The following LIN9 variants were observed in gnomAD, a reference collection of about 807,000 sequenced individuals.
The protein encoded by LIN9 is lin-9 DREAM MuvB core complex component.
Under a neutral mutation model 78.0 loss-of-function variants are expected in LIN9, and 18 were observed. That is an observed-to-expected ratio of 0.23 (90% CI 0.16 to 0.34). The LOEUF (loss-of-function observed/expected upper bound fraction) is 0.34. LIN9 is among the 10% of genes least tolerant of loss of function. The probability of loss-of-function intolerance (pLI) is 1.00; values close to 1 mark genes in which losing one functional copy is unlikely to be tolerated. For synonymous variants in LIN9, 192 were observed against 215.2 expected, an observed-to-expected ratio of 0.89 and a Z score of 0.94; for missense variants, 451 against 644.1, an observed-to-expected ratio of 0.70 and a Z score of 3.25.
At chr1:226,248,851 A>G (rs1658649759) in intron 11 of LIN9, among the ~76,000 whole-genome samples, 1 of 152,198 alleles carries the variant, frequency 6.6e-6, no homozygotes, top group African/African-American at 2.4e-5. Flanking sequence ...TTTTATAGGG[A>G]AACTATTTTT....
chr1:226,277,961 C>CATA, intron 6 of LIN9, 29 bp from the exon 7 acceptor site: 1 of 1,535,488 alleles, frequency 6.5e-7, no homozygotes, highest in Non-Finnish European at 8.9e-7. Flanking sequence ...AACATACAAA[C>CATA]TGATAACTAC....
intron 7 of LIN9, among the ~76,000 whole-genome samples, chr1:226,268,478 G>A (rs2102917297): frequency 6.6e-6 from 1 of 152,288 alleles, no homozygotes; most frequent in Non-Finnish European, 1.5e-5. Flanking sequence ...AGTTAATACT[G>A]CAGGCCTGAT....
At chr1:226,298,988 T>C (rs753261333) in intron 2 of LIN9, among the ~76,000 whole-genome samples, 1 of 152,168 alleles carries the variant, frequency 6.6e-6, no homozygotes, top group Non-Finnish European at 1.5e-5. Flanking sequence ...AAAAGAATTC[T>C]ATCGAATAGA....
intron 11 of LIN9, 83 bp from the exon 12 acceptor site, chr1:226,239,179 T>C (rs1376296252): frequency 3.5e-6 from 5 of 1,440,548 alleles, no homozygotes; most frequent in Non-Finnish European, 4.8e-6. Flanking sequence ...AGATTTGACT[T>C]ATCTAAAAAG....
intron 12 of LIN9, among the ~76,000 whole-genome samples, chr1:226,236,747 G>C (rs1447342552): frequency 6.6e-6 from 1 of 152,138 alleles, no homozygotes; most frequent in South Asian, 2.1e-4. Context: ...GTGAGCCACC[G>C]CACCCGGCGT....
intron 1 of LIN9, among the ~76,000 whole-genome samples, chr1:226,301,499 G>A (rs556865279): frequency 3.3e-5 from 5 of 152,304 alleles, no homozygotes; most frequent in African/African-American, 1.2e-4. Flanking sequence ...GGGGACAGAG[G>A]TAATTTTGGA....
At chr1:226,253,466 G>T (rs1163822267) in intron 10 of LIN9, among the ~76,000 whole-genome samples, 1 of 151,200 alleles carries the variant, frequency 6.6e-6, no homozygotes, top group Non-Finnish European at 1.5e-5. Flanking sequence ...GATAATTTTT[G>T]TATTTTTAGT....
intron 4 of LIN9, among the ~76,000 whole-genome samples, chr1:226,290,306 C>G (rs1661669416): frequency 6.6e-6 from 1 of 151,102 alleles, no homozygotes; most frequent in South Asian, 2.1e-4. Flanking sequence ...ATATAAAATG[C>G]CAACTAAAAC....
chr1:226,232,955 T>C, intron 14 of LIN9, 141 bp downstream of exon 14: 2 of 558,584 alleles, frequency 3.6e-6, no homozygotes, highest in Non-Finnish European at 6.2e-6. Context: ...ATAGGCTGGA[T>C]ATAAGTGAAA....
chr1:226,274,455 G>C (rs968040177), intron 7 of LIN9, among the ~76,000 whole-genome samples: 2 of 152,052 alleles, frequency 1.3e-5, no homozygotes, highest in Admixed American at 1.3e-4. Flanking sequence ...TCTAATGATG[G>C]GTTTTGTGTA....
At chr1:226,279,608 CAAA>C (rs56886138) in intron 6 of LIN9, among the ~76,000 whole-genome samples, 1 of 64,860 alleles carries the variant, frequency 1.5e-5, no homozygotes, top group African/African-American at 7.0e-5. Context: ...GCCAAAAATA[CAAA>C]AAAAAAAAAA....
At chr1:226,294,633 T>A (rs1576352700) in intron 4 of LIN9, among the ~76,000 whole-genome samples, 1 of 152,138 alleles carries the variant, frequency 6.6e-6, no homozygotes, top group East Asian at 1.9e-4. Flanking sequence ...ATATCACCTC[T>A]ACCATCCATT....
intron 7 of LIN9, among the ~76,000 whole-genome samples, chr1:226,277,213 A>G (rs1660721482): frequency 6.6e-6 from 1 of 150,764 alleles, no homozygotes; most frequent in South Asian, 2.1e-4. Context: ...TCAGTCTCAA[A>G]AAGAAAAAAA....
intron 4 of LIN9, 118 bp from the exon 5 acceptor site, chr1:226,287,915 A>AT (rs1661475933): frequency 3.1e-6 from 2 of 645,634 alleles, no homozygotes; most frequent in Non-Finnish European, 5.2e-6. Flanking sequence ...AGGTTCACTG[A>AT]TTCACTGATA....
At chr1:226,250,981 T>C (rs1658797552) in intron 10 of LIN9, 62 bp from the exon 11 acceptor site, 1 of 795,550 alleles carries the variant, frequency 1.3e-6, no homozygotes, top group Admixed American at 2.4e-5. Flanking sequence ...TGGTTAGACA[T>C]TAAATTTCCA....
intron 1 of LIN9, among the ~76,000 whole-genome samples, chr1:226,304,456 G>A (rs986984309): frequency 6.6e-6 from 1 of 152,124 alleles, no homozygotes. Flanking sequence ...TCTCCTCACA[G>A]GAAGCTTAAA....
intron 11 of LIN9, among the ~76,000 whole-genome samples, chr1:226,241,349 C>CG (rs1195450392): frequency 6.6e-6 from 1 of 151,962 alleles, no homozygotes; most frequent in African/African-American, 2.4e-5. Context: ...AGCCTCTTCT[C>CG]GGGGAAAAGT....
At chr1:226,298,097 AT>A (rs1463006101) in intron 2 of LIN9, among the ~76,000 whole-genome samples, 1 of 152,256 alleles carries the variant, frequency 6.6e-6, no homozygotes, top group East Asian at 1.9e-4. Context: ...TAATTTCTCC[AT>A]TCCAACTTGC....
At chr1:226,262,562 A>T (rs1032343262) in intron 10 of LIN9, among the ~76,000 whole-genome samples, 1 of 152,208 alleles carries the variant, frequency 6.6e-6, no homozygotes, top group African/African-American at 2.4e-5. Flanking sequence ...GTCATCAGGG[A>T]AATGCAAATT....
Sources: allele counts gnomAD v4.1 joint callset (sites outside exome capture counted in the v4.1 genomes callset), GRCh38; gene constraint gnomAD v4.1.1; transcripts MANE v1.5; gene names NCBI Gene and HGNC (gene_info 2026-07-23, HGNC 2026-07-21).